Variants in KLRF1 observed in about 807,000 individuals in gnomAD.
The protein encoded by KLRF1 is killer cell lectin like receptor F1, also known as killer cell lectin-like receptor subfamily F member 1.
In KLRF1, 27 loss-of-function variants were observed where a neutral mutation model predicts 30.7. The observed-to-expected ratio is 0.88, with a 90% CI of 0.65 to 1.21. The LOEUF is 1.21. Ranked by LOEUF, KLRF1 falls within the 50% of genes most tolerant of loss-of-function variation. The pLI is 0.00. For synonymous variants in KLRF1, 92 were observed against 89.3 expected (o/e 1.03, Z -0.17); for missense variants, 246 against 259.3 (o/e 0.95, Z 0.35).
At chr12:9,836,446 AGTGGAT>A (rs1193339951) in intron 3 of KLRF1, among the ~76,000 whole-genome samples, 2 of 151,958 alleles carry the variant, frequency 1.3e-5, no homozygotes, top group Non-Finnish European at 2.9e-5. Flanking sequence ...TCCCTCTTAG[AGTGGAT>A]AGGTGATCTT....
In KLRF1 at chr12:9,837,161, C is replaced by T. The variant is rs113337703; in HGVS notation, c.334+3709C>T. 6.2e-3 allele frequency among the ~76,000 whole-genome samples: 947 copies of T among 152,106 alleles called. 10 individuals are homozygous for T. The highest frequency in any genetic ancestry group is 0.022 in the African/African-American group (904 of 41,502). ...CCTCTGACAACTACAAATCTTCTTT[C>T]GGTCTATATGGATTTACCTATTCTG... On this transcript the variant is annotated intron_variant, in intron 3 of 5. Transcript: ENST00000617889.
intron 3 of KLRF1, among the ~76,000 whole-genome samples, chr12:9,840,779 A>G (rs902042519): frequency 6.6e-6 from 1 of 152,118 alleles, no homozygotes; most frequent in African/African-American, 2.4e-5. Context: ...CAGAATGGCT[A>G]TTATTAAAAA....
chr12:9,827,657 T>C (rs2121187453), intron 1 of KLRF1, 28 bp downstream of exon 1: 1 of 1,277,974 alleles, frequency 7.8e-7, no homozygotes, highest in Non-Finnish European at 1.1e-6. Context: ...ATTTTTTCAA[T>C]TGGTGTGAAT....
intron 5 of KLRF1, among the ~76,000 whole-genome samples, chr12:9,843,487 TTCTA>T (rs1230335851): frequency 6.6e-6 from 1 of 152,202 alleles, no homozygotes; most frequent in African/African-American, 2.4e-5. Context: ...ATTACATATT[TTCTA>T]TCTGACTGCA....
upstream of KLRF1, among the ~76,000 whole-genome samples, chr12:9,822,788 T>A (rs1330601439): frequency 5.3e-5 from 8 of 150,770 alleles, no homozygotes; most frequent in Admixed American, 2.0e-4. Flanking sequence ...AACAAGCAAA[T>A]GAAAATCAGT....
the KLRF1 span, among the ~76,000 whole-genome samples, chr12:9,815,554 T>C: frequency 6.6e-6 from 1 of 152,198 alleles, no homozygotes; most frequent in African/African-American, 2.4e-5. Context: ...ACTCCATCTT[T>C]CTTTTCTTTG....
At chr12:9,801,657 G>A in the KLRF1 span, among the ~76,000 whole-genome samples, 68 of 152,194 alleles carry the variant, frequency 4.5e-4, no homozygotes, top group South Asian at 6.4e-3. Flanking sequence ...TTTGAGAAGT[G>A]TCTGTTCATA....
At chr12:9,835,404 G>A (rs1192378198) in intron 3 of KLRF1, among the ~76,000 whole-genome samples, 1 of 152,022 alleles carries the variant, frequency 6.6e-6, no homozygotes, top group Non-Finnish European at 1.5e-5. Context: ...GCGTAGAGGG[G>A]GAGGTTCGAT....
intron 3 of KLRF1, among the ~76,000 whole-genome samples, chr12:9,835,820 T>C (rs113292578): frequency 0.02 from 2,973 of 151,966 alleles, 93 homozygotes; most frequent in African/African-American, 0.068. Context: ...GAGGTCCAAA[T>C]ATGGGGGGAG....
upstream of KLRF1, among the ~76,000 whole-genome samples, chr12:9,823,566 A>G (rs1206017588): frequency 6.6e-6 from 1 of 152,196 alleles, no homozygotes; most frequent in African/African-American, 2.4e-5. Flanking sequence ...ACTCTAACAT[A>G]TAACTAAAAG....
Position 9,842,312 on chromosome 12 carries a change from A to C in KLRF1, c.475-9A>C, listed in dbSNP as rs780664110. ...ATTTTGTTCATTTAGTCCCTCGTCC[A>C]CATTTTAGGCTTTTATACAGAAAAA... On this transcript the variant is annotated splice_polypyrimidine_tract_variant and intron_variant, in intron 4 of 5. Coordinates refer to ENST00000617889, the MANE Select transcript of KLRF1 (RefSeq NM_016523.3). The C allele has an allele frequency of 6.2e-7, 1 of 1,609,710 alleles. No individual in the cohort carries two copies. The highest frequency in any genetic ancestry group is 1.1e-5 in the South Asian group (1 of 90,316).
chr12:9,819,130 G>A, the KLRF1 span, among the ~76,000 whole-genome samples: 1 of 152,152 alleles, frequency 6.6e-6, no homozygotes, highest in East Asian at 1.9e-4. Context: ...ATCCCACAAA[G>A]GCCTGCAGTC....
At chr12:9,838,525 T>G (rs1268010264) in intron 3 of KLRF1, among the ~76,000 whole-genome samples, 1 of 152,124 alleles carries the variant, frequency 6.6e-6, no homozygotes, top group Non-Finnish European at 1.5e-5. Flanking sequence ...TGGAAAGCTT[T>G]TACACTATTG....
the KLRF1 span, among the ~76,000 whole-genome samples, chr12:9,808,799 A>G: frequency 2.6e-5 from 4 of 152,162 alleles, no homozygotes; most frequent in African/African-American, 9.7e-5. Flanking sequence ...CTTGGTGTTA[A>G]AAGACTTATC....
At chr12:9,812,466 G>T in the KLRF1 span, among the ~76,000 whole-genome samples, 2 of 151,870 alleles carry the variant, frequency 1.3e-5, no homozygotes, top group Non-Finnish European at 2.9e-5. Context: ...TGGGGAGAAG[G>T]TTGTCCGCTG....
the KLRF1 span, among the ~76,000 whole-genome samples, chr12:9,816,921 G>A: frequency 6.6e-6 from 1 of 151,810 alleles, no homozygotes; most frequent in South Asian, 2.1e-4. Context: ...TTTTATTAGA[G>A]ATGGGGTTTC....
chr12:9,823,946 C>T (rs999693843), upstream of KLRF1, among the ~76,000 whole-genome samples: 5 of 152,078 alleles, frequency 3.3e-5, no homozygotes, highest in African/African-American at 1.2e-4. Context: ...AAATTGATTT[C>T]CTTAACAGAC....
At chr12:9,812,236 G>A in the KLRF1 span, among the ~76,000 whole-genome samples, 1 of 151,996 alleles carries the variant, frequency 6.6e-6, no homozygotes, top group East Asian at 1.9e-4. Flanking sequence ...GTGGTGGCGG[G>A]CGCCTGTAGT....
At chr12:9,816,765 A>C in the KLRF1 span, among the ~76,000 whole-genome samples, 3 of 130,394 alleles carry the variant, frequency 2.3e-5, no homozygotes, top group Admixed American at 8.7e-5. Flanking sequence ...ACGGAGTCTC[A>C]CTCTGTCTCC....
Sources: gnomAD v4.1 joint callset for allele counts (sites outside exome capture counted in the v4.1 genomes callset) on GRCh38, gnomAD v4.1.1 for gene constraint, MANE v1.5 for transcripts, NCBI Gene and HGNC (gene_info 2026-07-23, HGNC 2026-07-21) for gene names.